The following WDR59 variants were observed in gnomAD, a reference collection of about 807,000 sequenced individuals.
WDR59 encodes WD repeat domain 59, also known as GATOR2 complex protein WDR59.
In WDR59, 100 loss-of-function variants were observed where a neutral mutation model predicts 131.2. The observed-to-expected ratio is 0.76, with a 90% CI of 0.65 to 0.90. The LOEUF is 0.90. WDR59 is among the 40% of genes least tolerant of loss of function. The probability of loss-of-function intolerance (pLI) is 0.00; values close to 1 mark genes in which losing one functional copy is unlikely to be tolerated. For synonymous variants in WDR59, 601 were observed against 466.2 expected (o/e 1.29, Z -3.72); for missense variants, 1,203 against 1,262.2 (o/e 0.95, Z 0.71).
At chr16:74,898,120 T>C (rs1257678426) in intron 18 of WDR59, among the ~76,000 whole-genome samples, 1 of 152,200 alleles carries the variant, frequency 6.6e-6, no homozygotes, top group Non-Finnish European at 1.5e-5. Context: ...TTGCTGGCAA[T>C]GTTTGGAGTC....
At chr16:74,967,857 CAAAAAAAAA>C (rs10585403) in intron 1 of WDR59, among the ~76,000 whole-genome samples, 2 of 114,338 alleles carry the variant, frequency 1.7e-5, no homozygotes, top group Admixed American at 1.8e-4. Context: ...GACTCGGTCT[CAAAAAAAAA>C]AAAAAAAAAG....
chr16:74,943,520 G>A (rs1172980803), intron 6 of WDR59, among the ~76,000 whole-genome samples: 1 of 152,158 alleles, frequency 6.6e-6, no homozygotes, highest in African/African-American at 2.4e-5. Flanking sequence ...TAAGACAGGA[G>A]GCATAATGTG....
Position 74,931,954 on chromosome 16 carries a change from T to C in WDR59, c.651+6196A>G, listed in dbSNP as rs1170547663. 3.3e-5 allele frequency among the ~76,000 whole-genome samples: 5 copies of C among 152,046 alleles called. No homozygotes were observed. The East Asian group carries it at 5.8e-4, about 18-fold the overall frequency. On this transcript the variant is annotated intron_variant, in intron 8 of 25. Coordinates refer to ENST00000262144, the MANE Select transcript of WDR59 (RefSeq NM_030581.4). Reference sequence around the variant, plus strand: ...ATATTTCTTTAACAAACTCTTAATATAAACTTTTGCTCCTGTGTTATAATA... The same window carrying C: ...ATATTTCTTTAACAAACTCTTAATACAAACTTTTGCTCCTGTGTTATAATA...
chr16:74,878,470 A>G (rs1169884636), intron 25 of WDR59, among the ~76,000 whole-genome samples: 1 of 152,206 alleles, frequency 6.6e-6, no homozygotes, highest in African/African-American at 2.4e-5. Context: ...CCTGGCCAAC[A>G]TGGCAAAACC....
rs147456121 is a variant in WDR59 at position 74,886,675 on chromosome 16, T to A, written c.2420-279A>T. On this transcript the variant is annotated intron_variant, in intron 23 of 25. Coordinates refer to ENST00000262144, the MANE Select transcript of WDR59 (RefSeq NM_030581.4). ...TGGCTCATGCCTGGAATCCCAGCAC[T>A]TTTGGAGGCCCAGGCAGGCAGATCA... Among the ~76,000 whole-genome samples, 696 of 152,290 alleles carry A rather than the reference T, an allele frequency of 4.6e-3. 6 individuals carry two copies. Among genetic ancestry groups the A allele is most frequent in the African/African-American group, 0.015 (633 of 41,564 alleles).
Position 74,886,312 on chromosome 16 carries a change from T to C in WDR59, c.2504A>G (p.Asp835Gly). The C allele has an allele frequency of 2.5e-6, 4 of 1,613,942 alleles. No homozygotes were observed. In the Middle Eastern group the frequency reaches 5.0e-4, roughly 201 times the overall value. ...ELRFGSLTYS[D>G]PRERERDQHD... ...CTGGTCGCGTTCTCGCTCACGGGGA[T>C]CACTGTAGGTCAGACTCCCAAAGCG... is the stretch of plus-strand genomic sequence containing the variant. Residue 835 changes from aspartate (D) to glycine (G), a missense_variant, in exon 24 of 26, where the codon GAT (aspartate) becomes GGT (glycine). By Grantham distance (94) the Asp-to-Gly change is moderately conservative. Transcript: ENST00000262144.
At chr16:74,875,066 GGT>G (rs1964143195) in intron 25 of WDR59, among the ~76,000 whole-genome samples, 1 of 152,238 alleles carries the variant, frequency 6.6e-6, no homozygotes, top group Non-Finnish European at 1.5e-5. Context: ...GCACGCAGGA[GGT>G]GTTGAACAGG....
intron 3 of WDR59, among the ~76,000 whole-genome samples, chr16:74,954,001 C>A (rs1271067397): frequency 7.4e-4 from 97 of 131,370 alleles, no homozygotes; most frequent in Admixed American, 1.1e-3. Flanking sequence ...GACTCCGTCT[C>A]AAAAAAAAAA....
At chr16:74,935,453 C>T (rs2031723610) in intron 8 of WDR59, among the ~76,000 whole-genome samples, 1 of 152,058 alleles carries the variant, frequency 6.6e-6, no homozygotes, top group African/African-American at 2.4e-5. Flanking sequence ...TAACCTTCAA[C>T]TCAATTGTTT....
chr16:74,949,462 G>C (rs1249328663), intron 5 of WDR59, among the ~76,000 whole-genome samples: 1 of 150,608 alleles, frequency 6.6e-6, no homozygotes, highest in Non-Finnish European at 1.5e-5. Context: ...GGGAAGGAGA[G>C]AGGGAGGGAG....
intron 1 of WDR59, among the ~76,000 whole-genome samples, chr16:74,974,178 GA>G (rs376766379): frequency 0.012 from 1,761 of 151,888 alleles, 36 homozygotes; most frequent in African/African-American, 0.039. Flanking sequence ...CAAAAACAAA[GA>G]AAAAAATCAA....
intron 5 of WDR59, among the ~76,000 whole-genome samples, 173 bp from the exon 6 acceptor site, chr16:74,948,729 C>T (rs112137245): frequency 0.019 from 2,886 of 152,196 alleles, 45 homozygotes; most frequent in Non-Finnish European, 0.029. Flanking sequence ...TGGCCAGGTA[C>T]GGTGACTCAT....
At chr16:74,910,738 A>T (rs981636604) in intron 14 of WDR59, among the ~76,000 whole-genome samples, 1 of 152,192 alleles carries the variant, frequency 6.6e-6, no homozygotes, top group Non-Finnish European at 1.5e-5. Flanking sequence ...TGTGGGAGTT[A>T]TTTATATCCT....
At chr16:74,874,782 G>C (rs1317269600) in intron 25 of WDR59, among the ~76,000 whole-genome samples, 1 of 152,138 alleles carries the variant, frequency 6.6e-6, no homozygotes, top group Non-Finnish European at 1.5e-5. Flanking sequence ...GTAGAGACGG[G>C]GTTTCGCCAT....
chr16:74,958,806 T>C (rs1336139803), intron 2 of WDR59, among the ~76,000 whole-genome samples: 3 of 150,248 alleles, frequency 2.0e-5, no homozygotes, highest in Non-Finnish European at 4.4e-5. Flanking sequence ...CCCACGCCTA[T>C]AATCCCAGCA....
chr16:74,959,390 A>C (rs903906887), intron 2 of WDR59: 4 of 326,974 alleles, frequency 1.2e-5, no homozygotes, highest in Non-Finnish European at 2.4e-5. Context: ...GAGAGATGCC[A>C]GTCGCTCTTT....
intron 19 of WDR59, among the ~76,000 whole-genome samples, chr16:74,893,049 A>G (rs11149777): frequency 0.32 from 48,165 of 152,080 alleles, 9,065 homozygotes; most frequent in African/African-American, 0.52. Context: ...TCTCACTTCC[A>G]TCCAAACAAA....
At chr16:74,947,195 T>A (rs2032700983) in intron 6 of WDR59, among the ~76,000 whole-genome samples, 1 of 152,202 alleles carries the variant, frequency 6.6e-6, no homozygotes, top group Admixed American at 6.6e-5. Flanking sequence ...AAGCCTATAA[T>A]CCCAGCACTT....
intron 17 of WDR59, among the ~76,000 whole-genome samples, chr16:74,906,941 G>A (rs549021272): frequency 3.3e-5 from 5 of 152,272 alleles, no homozygotes; most frequent in South Asian, 2.1e-4. Context: ...TTTGTGTATC[G>A]TAAACTATCT....
Sources: allele counts gnomAD v4.1 joint callset (sites outside exome capture counted in the v4.1 genomes callset), GRCh38; gene constraint gnomAD v4.1.1; transcripts MANE v1.5; gene names NCBI Gene and HGNC (gene_info 2026-07-23, HGNC 2026-07-21).